PRKACA: variants seen among roughly 807,000 people sequenced by gnomAD.
The protein encoded by PRKACA is protein kinase cAMP-activated catalytic subunit alpha.
PRKACA carries 9 observed loss-of-function variants against 45.8 expected under a neutral mutation model. The observed-to-expected ratio is 0.20, with a 90% CI of 0.12 to 0.34. The LOEUF (loss-of-function observed/expected upper bound fraction) is 0.34, where lower values mean the gene tolerates loss of function less well. Among genes scored for constraint, PRKACA ranks in the 10% least tolerant of loss-of-function variants. PRKACA has a pLI of 1.00. For missense variants in PRKACA, 238 were observed against 458.6 expected (o/e 0.52, Z 4.39); for synonymous variants, 160 against 178.6 (o/e 0.90, Z 0.83).
rs1224429591 is a variant in PRKACA at position 14,091,835 on chromosome 19, TC to T, written c.*1276del. ...GCCCCACCCCAGGCCTGAGAACTCCTCCTGGGATGGGGAGAAGTTATGAGAG... is the reference window on the plus strand; with the variant it reads ...GCCCCACCCCAGGCCTGAGAACTCCTCTGGGATGGGGAGAAGTTATGAGAG... On this transcript the variant is annotated 3_prime_UTR_variant, in exon 10 of 10. Transcript: ENST00000308677. 1 of 152,404 alleles carries T rather than the reference TC, an allele frequency of 6.6e-6. No individual in the cohort carries two copies. The highest frequency in any genetic ancestry group is 1.5e-5 in the Non-Finnish European group (1 of 68,040). The allele number at this position is 152,404 out of a possible 1,614,324, so 9.4% of individuals were successfully genotyped here. A position where few individuals can be genotyped will look rare whatever the true frequency, so the allele number is the denominator to read the frequency against.
rs774340605 is a variant in PRKACA, at chr19:14,097,649, C to T, written c.572G>A (p.Arg191His). Residue 191 changes from arginine to histidine, a missense_variant, in exon 7 of 10, where the codon CGC becomes CAC. Arg to His is a conservative substitution (Grantham distance 29). This residue lies in a region of PRKACA where 94 missense variants were observed against 240.9 expected (regional missense o/e 0.39). Coordinates refer to ENST00000308677, the MANE Select transcript of PRKACA (RefSeq NM_002730.4). This position sits in a 1 kb window ranked among gnomAD's most constrained non-coding sequence, Gnocchi z 5.4. ...IQVTDFGFAK[R>H]VKGRTWTLCG... ...CAAGGTCCAAGTGCGGCCCTTCACG[C>T]GCTTGGCGAAACCGAAGTCTGTCAC... 5.0e-6 allele frequency: 8 copies of T among 1,609,204 alleles called. No homozygotes were observed. The highest frequency in any genetic ancestry group is 2.7e-5 in the African/African-American group (2 of 74,810).
intron 1 of PRKACA, among the ~76,000 whole-genome samples, chr19:14,110,356 T>A (rs1339832409): frequency 1.3e-5 from 2 of 151,662 alleles, no homozygotes; most frequent in African/African-American, 4.8e-5. Flanking sequence ...GTTGGGGGGA[T>A]TGCTTGAATA....
intron 5 of PRKACA, among the ~76,000 whole-genome samples, chr19:14,098,834 AG>A: frequency 6.7e-6 from 1 of 149,496 alleles, no homozygotes; most frequent in South Asian, 2.1e-4. Flanking sequence ...AAAAAAAAAA[AG>A]GGATTCAAGG....
At chr19:14,098,582 G>C (rs564472142) in intron 5 of PRKACA, 1 of 151,072 alleles carries the variant, frequency 6.6e-6, no homozygotes, top group Non-Finnish European at 1.5e-5. Flanking sequence ...TGCAACCTTT[G>C]CCTCCTGGAA....
intron 1 of PRKACA, among the ~76,000 whole-genome samples, chr19:14,115,568 C>T (rs917867751): frequency 6.6e-6 from 1 of 152,158 alleles, no homozygotes; most frequent in African/African-American, 2.4e-5. Context: ...TCCGCCTGGC[C>T]ATTTAGCCTG....
chr19:14,102,183 G>C (rs992448102), intron 4 of PRKACA, among the ~76,000 whole-genome samples: 3 of 150,868 alleles, frequency 2.0e-5, no homozygotes, highest in Non-Finnish European at 4.4e-5. Flanking sequence ...AAATTATTAC[G>C]GATCTCAAGA....
At chr19:14,105,604 C>A (rs923336385) in intron 3 of PRKACA, among the ~76,000 whole-genome samples, 1 of 151,724 alleles carries the variant, frequency 6.6e-6, no homozygotes, top group Non-Finnish European at 1.5e-5. Context: ...CTTTTAATTA[C>A]AAACTTTGGG....
chr19:14,102,978 A>G, intron 3 of PRKACA, 64 bp from the exon 4 acceptor site: 1 of 1,293,996 alleles, frequency 7.7e-7, no homozygotes, highest in Non-Finnish European at 1.1e-6. Flanking sequence ...ATTTCCCCTA[A>G]TGCCTGGAAC....
chr19:14,101,235 TG>T, intron 4 of PRKACA: 1 of 268,568 alleles, frequency 3.7e-6, no homozygotes, highest in South Asian at 5.1e-5. Flanking sequence ...GCAGAATTAG[TG>T]GGGCCCAGAA....
rs550894560 is a variant in PRKACA at position 14,097,271 on chromosome 19, GACA to G, written c.765+87_765+89del. On this transcript the variant is annotated intron_variant, in intron 8 of 9. Transcript: ENST00000308677. The surrounding 1 kb of genome is among the most constrained non-coding windows in gnomAD (Gnocchi z 5.4). ...ACTTAAGGAACTTCTAGATTATTCT[GACA>G]ACAAGCAGGGCTCCCCAGGGAATAG... 3.3e-5 allele frequency: 53 copies of G among 1,590,938 alleles called. No homozygotes were observed. The African/African-American group carries it at 6.4e-4, about 19-fold the overall frequency.
intron 4 of PRKACA, 57 bp from the exon 5 acceptor site, chr19:14,100,965 A>G: frequency 2.0e-6 from 3 of 1,516,024 alleles, no homozygotes; most frequent in Non-Finnish European, 2.7e-6. Flanking sequence ...CCCGATCTGA[A>G]GGCCTTGGGG....
intron 9 of PRKACA, 49 bp downstream of exon 9, chr19:14,093,579 T>A (rs1048712988): frequency 6.3e-7 from 1 of 1,582,522 alleles, no homozygotes; most frequent in African/African-American, 1.3e-5. Context: ...CCTCCCTGAC[T>A]CTTGGCCTGC....
chr19:14,093,753 G>C lies in PRKACA; in HGVS notation c.805C>G (p.Leu269Val). ...TCTACCTGCAGGAGGTTCCGCAGCA[G>C]GTCCTTCAAGTCAGAGCTGAAGTGG... The part of the protein sequence containing the change: ...PSHFSSDLKD[L>V]LRNLLQVDLT... The change falls in exon 9 of 10, where the codon CTG becomes GTG. Residue 269 changes from leucine (L) to valine (V), a missense_variant. By Grantham distance (32) the Leu-to-Val change is conservative. Transcript: ENST00000308677. The C allele has an allele frequency of 1.9e-6, 3 of 1,614,078 alleles. No homozygotes were observed. Among genetic ancestry groups the C allele is most frequent in the Non-Finnish European group, 2.5e-6 (3 of 1,179,954 alleles).
At chr19:14,108,740 T>A (rs1048307619) in intron 1 of PRKACA, among the ~76,000 whole-genome samples, 10 of 148,226 alleles carry the variant, frequency 6.7e-5, no homozygotes, top group African/African-American at 2.5e-4. Flanking sequence ...TATTATTTTT[T>A]TTTTTGAGAT....
intron 8 of PRKACA, among the ~76,000 whole-genome samples, chr19:14,094,902 G>T (rs2145743938): frequency 6.6e-6 from 1 of 152,334 alleles, no homozygotes; most frequent in Admixed American, 6.5e-5. Context: ...CATCACTGGA[G>T]TTATAGTTGC....
intron 3 of PRKACA, among the ~76,000 whole-genome samples, chr19:14,105,198 A>C (rs1977567245): frequency 6.6e-6 from 1 of 152,168 alleles, no homozygotes. Context: ...GTAATACTGT[A>C]GATATACTGG....
chr19:14,115,150 G>C (rs1222944248), intron 1 of PRKACA: 1 of 977,928 alleles, frequency 1.0e-6, no homozygotes, highest in Non-Finnish European at 1.2e-6. Flanking sequence ...TTCTCAACGT[G>C]TGACATAGTC....
At chr19:14,106,677 G>T in intron 3 of PRKACA, 83 bp downstream of exon 3, 1 of 1,564,848 alleles carries the variant, frequency 6.4e-7, no homozygotes, top group Non-Finnish European at 8.7e-7. Context: ...TGAGTGAACG[G>T]GTGGATAGGG....
At chr19:14,109,118 G>A (rs1386678182) in intron 1 of PRKACA, among the ~76,000 whole-genome samples, 1 of 151,578 alleles carries the variant, frequency 6.6e-6, no homozygotes, top group Non-Finnish European at 1.5e-5. Context: ...GGAGGCCAAG[G>A]TGGGTGGATC....
Sources: gnomAD v4.1 joint callset for allele counts (sites outside exome capture counted in the v4.1 genomes callset) on GRCh38, gnomAD v4.1.1 for gene constraint, gnomAD v4.1.1 regional missense constraint, Gnocchi (gnomAD v3.1) non-coding constraint, MANE v1.5 for transcripts, NCBI Gene and HGNC (gene_info 2026-07-23, HGNC 2026-07-21) for gene names.